Variants in PCNX3 observed in about 807,000 individuals in gnomAD.
PCNX3 encodes pecanex 3.
PCNX3 carries 58 observed loss-of-function variants against 207.2 expected under a neutral mutation model. That is an observed-to-expected ratio of 0.28 (90% confidence interval 0.23 to 0.35). The LOEUF is 0.35. Ranked by LOEUF, PCNX3 falls within the 10% of genes least tolerant of loss-of-function variation. The probability of loss-of-function intolerance (pLI) is 1.00; values close to 1 mark genes in which losing one functional copy is unlikely to be tolerated. For synonymous variants in PCNX3, 1,337 were observed against 1,183.5 expected (o/e 1.13, Z -2.66); for missense variants, 2,410 against 2,774.4 (o/e 0.87, Z 2.95).
Position 65,619,576 on chromosome 11 carries a change from T to A in PCNX3, c.1745T>A (p.Val582Glu). Residue 582 changes from valine to glutamate, a missense_variant, in exon 7 of 35, where the codon GTG (valine) becomes GAG (glutamate). Around this residue, in one of 8 missense-constraint regions of PCNX3, gnomAD observed 1,104 missense variants for 970.3 expected, o/e 1.14. Coordinates refer to ENST00000355703, the MANE Select transcript of PCNX3 (RefSeq NM_032223.4). Reference protein sequence around the residue: ...ETGRRDRSSSVRRTQAIRRRH... With the variant: ...ETGRRDRSSSERRTQAIRRRH... ...GGCAGGCGGGACCGCTCAAGCAGTG[T>A]GAGGCGGACCCAGGCCATTCGGAGA... The A allele has an allele frequency of 6.2e-7, 1 of 1,609,528 alleles. No homozygotes were observed. The highest frequency in any genetic ancestry group is 2.2e-5 in the East Asian group (1 of 44,826).
At position 65,627,530 on chromosome 11, in the gene PCNX3, T is replaced by A; in HGVS notation, c.3650T>A (p.Leu1217His). The A allele has an allele frequency of 6.2e-7, 1 of 1,613,796 alleles. No individual in the cohort carries two copies. The highest frequency in any genetic ancestry group is 2.2e-5 in the East Asian group (1 of 44,860). Reference protein sequence around the residue: ...VLLFHFDYPRLSQGFLLDYFL... With the variant: ...VLLFHFDYPRHSQGFLLDYFL... Reference sequence around the variant, plus strand: ...CTCTTCCACTTTGACTACCCGCGCCTCTCCCAGGGCTTTCTGCTTGACTAC... The same window carrying A: ...CTCTTCCACTTTGACTACCCGCGCCACTCCCAGGGCTTTCTGCTTGACTAC... Residue 1217 changes from leucine to histidine, a missense_variant, in exon 22 of 35, where the codon CTC becomes CAC. Leu to His is a moderately conservative substitution (Grantham distance 99). Transcript: ENST00000355703.
At position 65,625,525 on chromosome 11, in the gene PCNX3, GGT is replaced by G. The variant is rs769448678; in HGVS notation, c.3135+17_3135+18del. On this transcript the variant is annotated intron_variant, in intron 18 of 34. Transcript: ENST00000355703. The surrounding 1 kb of genome is among the most constrained non-coding windows in gnomAD (Gnocchi z 5.6). ...GCCAGTCGGTGGTGAGGGGGCGGGG[GGT>G]GGGGGTCTGTGGGGAGGTGGTGACA... The G allele has an allele frequency of 5.0e-6, 8 of 1,593,642 alleles. No individual in the cohort carries two copies. The Admixed American group carries it at 1.3e-4, about 27-fold the overall frequency.
chr11:65,618,424 C>T lies in PCNX3; in HGVS notation c.1062C>T (p.Pro354=), dbSNP rs746809511. The change falls in exon 6 of 35, where the codon CCC becomes CCT. Residue 354 remains proline, a synonymous_variant. Coordinates refer to ENST00000355703, the MANE Select transcript of PCNX3 (RefSeq NM_032223.4). ...CTGCCTCACCAGACGCCGGGGTCCC[C>T]TCAGATGACACGCTGCGTTCCTTTG... ...ELPASPDAGV[P]SDDTLRSFDT... is the part of the protein sequence containing the mutation. The T allele has an allele frequency of 8.7e-6, 14 of 1,612,230 alleles. No homozygotes were observed. The African/African-American group carries it at 9.3e-5, about 11-fold the overall frequency.
intron 20 of PCNX3, chr11:65,626,623 A>G (rs1477829569): frequency 2.0e-6 from 1 of 498,654 alleles, no homozygotes. Context: ...GGCCCTAGCC[A>G]GCCTGCTGTA....
At position 65,634,997 on chromosome 11, in the gene PCNX3, G is replaced by C; in HGVS notation, c.4830G>C (p.Leu1610=). ...GCCTGGAGCCCTTCCTCTACGGCCT[G>C]CACGCCCTGTTCAAGGGGGATTTTC... ...SASLEPFLYG[L]HALFKGDFRI... The change falls in exon 30 of 35, where the codon CTG becomes CTC. Residue 1610 remains leucine, a synonymous_variant. Transcript: ENST00000355703. 6.2e-7 allele frequency: 1 copy of C among 1,613,786 alleles called. No individual in the cohort carries two copies.
At chr11:65,623,682 CTT>C in intron 12 of PCNX3, 38 bp downstream of exon 12, 1 of 1,599,240 alleles carries the variant, frequency 6.3e-7, no homozygotes. Flanking sequence ...CCCCACCCGA[CTT>C]TTCCCAAGAT....
Position 65,634,964 on chromosome 11 carries a change from C to T in PCNX3, c.4806-9C>T, listed in dbSNP as rs1178591984. 2 of 1,606,054 alleles carry T rather than the reference C, an allele frequency of 1.2e-6. No homozygotes were observed. The highest frequency in any genetic ancestry group is 2.2e-5 in the South Asian group (2 of 90,638). ...CCTCTCTCCCCTCCCTGTTTTTCCT[C>T]CCACTTAGCCTGGAGCCCTTCCTCT... On this transcript the variant is annotated splice_polypyrimidine_tract_variant and intron_variant, in intron 29 of 34. Coordinates refer to ENST00000355703, the MANE Select transcript of PCNX3 (RefSeq NM_032223.4).
Position 65,624,300 on chromosome 11 carries a change from G to A in PCNX3, c.2650G>A (p.Val884Ile). 1 of 1,583,144 alleles carries A rather than the reference G, an allele frequency of 6.3e-7. No individual in the cohort carries two copies. The highest frequency in any genetic ancestry group is 2.3e-5 in the East Asian group (1 of 43,218). The change falls in exon 14 of 35, where the codon GTC (valine) becomes ATC (isoleucine). Residue 884 changes from valine (V) to isoleucine (I), a missense_variant. Coordinates refer to ENST00000355703, the MANE Select transcript of PCNX3 (RefSeq NM_032223.4). ...GGGCTCAGCTCAGCCCTTCCCACCT[G>A]TCTCCCTCTACGGCCTCACGCTCTT... is the stretch of plus-strand genomic sequence containing the variant. ...ALGSAQPFPPVSLYGLTLFSA... is the reference protein window; with the variant it reads ...ALGSAQPFPPISLYGLTLFSA...
In PCNX3 at chr11:65,627,566, C is replaced by G. The variant is rs1234324407; in HGVS notation, c.3686C>G (p.Ser1229Cys). 5.6e-6 allele frequency: 9 copies of G among 1,613,720 alleles called. No homozygotes were observed. The highest frequency in any genetic ancestry group is 7.6e-6 in the Non-Finnish European group (9 of 1,179,870). Residue 1229 changes from serine (S) to cysteine (C), a missense_variant, in exon 22 of 35, where the codon TCC becomes TGC. This residue lies in a region of PCNX3 where 333 missense variants were observed against 386.8 expected (regional missense o/e 0.86). Transcript: ENST00000355703. ...TTTCTGCTTGACTACTTCCTCATGT[C>G]CCTGCTTTGCAGCAAGGTGAGTTGG... The part of the protein sequence containing the change: ...QGFLLDYFLM[S>C]LLCSKLWDLL...
intron 10 of PCNX3, among the ~76,000 whole-genome samples, chr11:65,621,372 C>T (rs1449724576): frequency 2.6e-5 from 4 of 152,210 alleles, no homozygotes; most frequent in Non-Finnish European, 5.9e-5. Flanking sequence ...CTTCCTGTCT[C>T]AGTATACTCA....
chr11:65,624,297 C>T lies in PCNX3; in HGVS notation c.2647C>T (p.Pro883Ser). 1 of 1,585,014 alleles carries T rather than the reference C, an allele frequency of 6.3e-7. No individual in the cohort carries two copies. The highest frequency in any genetic ancestry group is 1.1e-5 in the South Asian group (1 of 87,146). Residue 883 changes from proline (P) to serine (S), a missense_variant, in exon 14 of 35, where the codon CCT becomes TCT. Pro to Ser is a moderately conservative substitution (Grantham distance 74). This residue lies in a region of PCNX3 where 177 missense variants were observed against 257.5 expected (regional missense o/e 0.69). Transcript: ENST00000355703. Reference protein sequence around the residue: ...DALGSAQPFPPVSLYGLTLFS... With the variant: ...DALGSAQPFPSVSLYGLTLFS... ...CCTGGGCTCAGCTCAGCCCTTCCCA[C>T]CTGTCTCCCTCTACGGCCTCACGCT...
rs772246478 is a variant in PCNX3 at position 65,628,675 on chromosome 11, C to T, written c.3783C>T (p.His1261=). The stretch of plus-strand genomic sequence containing the variant: ...AGATCACCTGGGGCTCGGCTTTCCA[C>T]GCTTTTGCCCAGCCGTTTGCCGTGC... ...PWQITWGSAF[H]AFAQPFAVPH... is the part of the protein sequence containing the mutation. The change falls in exon 23 of 35, where the codon CAC becomes CAT. Residue 1261 remains histidine (H), a synonymous_variant. Transcript: ENST00000355703. 30 of 1,611,854 alleles carry T rather than the reference C, an allele frequency of 1.9e-5. No homozygotes were observed. Among genetic ancestry groups the T allele is most frequent in the East Asian group, 4.5e-5 (2 of 44,824 alleles).
At chr11:65,620,593 C>T (rs918753556) in intron 9 of PCNX3, among the ~76,000 whole-genome samples, 164 bp downstream of exon 9, 1 of 152,168 alleles carries the variant, frequency 6.6e-6, no homozygotes, top group Non-Finnish European at 1.5e-5. Flanking sequence ...CTCCTGGGGT[C>T]CCTGGCTCCA....
chr11:65,617,855 G>T, intron 5 of PCNX3, 85 bp from the exon 6 acceptor site: 2 of 1,473,854 alleles, frequency 1.4e-6, no homozygotes, highest in Non-Finnish European at 1.8e-6. Context: ...CTCAGGGAAA[G>T]TACAGGGCAT....
At chr11:65,628,557 C>T (rs759507114) in intron 22 of PCNX3, 38 bp from the exon 23 acceptor site, 1 of 1,591,514 alleles carries the variant, frequency 6.3e-7, no homozygotes, top group South Asian at 1.1e-5. Flanking sequence ...ATGAGTGACC[C>T]TGCATGTCTT....
Position 65,616,340 on chromosome 11 carries a change from G to A in PCNX3, c.29G>A (p.Arg10His). Residue 10 changes from arginine to histidine, a missense_variant, in exon 1 of 35, where the codon CGC becomes CAC. Arg to His is a conservative substitution (Grantham distance 29). Coordinates refer to ENST00000355703, the MANE Select transcript of PCNX3 (RefSeq NM_032223.4). MGSQVLQILRQGVWASLTGG... is the reference protein window; with the variant it reads MGSQVLQILHQGVWASLTGG... The stretch of plus-strand genomic sequence containing the variant: ...GGGTCGCAGGTGTTGCAGATCCTGC[G>A]CCAGGGGGTGTGGGCCTCGCTCACC... The A allele has an allele frequency of 6.2e-7, 1 of 1,604,214 alleles. No individual in the cohort carries two copies. The highest frequency in any genetic ancestry group is 8.5e-7 in the Non-Finnish European group (1 of 1,177,850).
intron 9 of PCNX3, among the ~76,000 whole-genome samples, 172 bp downstream of exon 9, chr11:65,620,601 C>T (rs1438405500): frequency 1.3e-5 from 2 of 152,184 alleles, no homozygotes; most frequent in Non-Finnish European, 2.9e-5. Context: ...GTCCCTGGCT[C>T]CATGACACTC....
At chr11:65,624,867 G>T in intron 15 of PCNX3, 58 bp from the exon 16 acceptor site, 5 of 1,513,272 alleles carry the variant, frequency 3.3e-6, no homozygotes, top group Admixed American at 1.8e-5. Flanking sequence ...AGCGCGGCTA[G>T]GGTTGAGGTG....
At chr11:65,629,332 G>A (rs781285871) in intron 24 of PCNX3, 25 bp from the exon 25 acceptor site, 10 of 1,604,278 alleles carry the variant, frequency 6.2e-6, no homozygotes, top group South Asian at 4.5e-5. Flanking sequence ...TTGGCCAACC[G>A]CCTTGTTGCA....
Sources: allele counts gnomAD v4.1 joint callset (sites outside exome capture counted in the v4.1 genomes callset), GRCh38; gene constraint gnomAD v4.1.1; regional missense constraint gnomAD v4.1.1; non-coding constraint Gnocchi (gnomAD v3.1); transcripts MANE v1.5; gene names NCBI Gene and HGNC (gene_info 2026-07-23, HGNC 2026-07-21).